Variants in SCAF11 observed in about 807,000 individuals in gnomAD.
SCAF11 encodes protein SCAF11.
SCAF11 carries 47 observed loss-of-function variants against 140.5 expected under a neutral mutation model. The ratio of observed to expected loss-of-function variants is 0.33; its 90% CI spans 0.26 to 0.43. The LOEUF is 0.43. Ranked by LOEUF, SCAF11 falls within the 20% of genes least tolerant of loss-of-function variation. The pLI is 1.00. For missense variants in SCAF11, 1,645 were observed against 1,705.1 expected, an observed-to-expected ratio of 0.96 and a Z score of 0.62; for synonymous variants, 557 against 579.4, an observed-to-expected ratio of 0.96 and a Z score of 0.55.
At chr12:45,929,209 G>C (rs1203793172) in intron 10 of SCAF11, 1 of 158,812 alleles carries the variant, frequency 6.3e-6, no homozygotes, top group Non-Finnish European at 1.4e-5. Context: ...GCAATGGCGT[G>C]ATCACTGGAG....
chr12:45,922,907 A>G, intron 13 of SCAF11, 29 bp downstream of exon 13: 1 of 1,580,190 alleles, frequency 6.3e-7, no homozygotes, highest in Non-Finnish European at 8.7e-7. Flanking sequence ...ATACAGAATT[A>G]TGAAGGTTGC....
rs1361363068 is a variant in SCAF11, at chr12:45,922,198, A to G, written c.4246-4T>C. The G allele has an allele frequency of 6.3e-7, 1 of 1,596,146 alleles. No homozygotes were observed. Among genetic ancestry groups the G allele is most frequent in the Admixed American group, 1.8e-5 (1 of 54,506 alleles). On this transcript the variant is annotated splice_polypyrimidine_tract_variant and splice_region_variant and intron_variant, in intron 14 of 14. Transcript: ENST00000369367. ...CTCCACTCTTACTATGACAAACCTA[A>G]GAAAAAAGGGGTGGGGGGTAAACTT...
At chr12:45,956,679 A>T (rs183256534) in intron 3 of SCAF11, among the ~76,000 whole-genome samples, 129 of 152,314 alleles carry the variant, frequency 8.5e-4, no homozygotes, top group African/African-American at 3.0e-3. Context: ...ATGTTCTCCA[A>T]GATACCAGTT....
chr12:45,925,739 G>GA (rs939301223), intron 11 of SCAF11, among the ~76,000 whole-genome samples: 3 of 150,708 alleles, frequency 2.0e-5, no homozygotes, highest in South Asian at 2.1e-4. Flanking sequence ...TTCTTAACAA[G>GA]AAAAAAAACA....
intron 9 of SCAF11, among the ~76,000 whole-genome samples, chr12:45,932,363 G>C (rs1405461944): frequency 6.6e-6 from 1 of 151,738 alleles, no homozygotes; most frequent in Non-Finnish European, 1.5e-5. Context: ...TATAAGGTAA[G>C]ATTCTGGAGT....
Position 45,927,572 on chromosome 12 carries a change from C to T in SCAF11, c.2129G>A (p.Ser710Asn). 1 of 1,613,188 alleles carries T rather than the reference C, an allele frequency of 6.2e-7. No individual in the cohort carries two copies. Among genetic ancestry groups the T allele is most frequent in the South Asian group, 1.1e-5 (1 of 91,036 alleles). Residue 710 changes from serine (S) to asparagine (N), a missense_variant, in exon 11 of 15, where the codon AGT (serine) becomes AAT (asparagine). By Grantham distance (46) the Ser-to-Asn change is conservative. Coordinates refer to ENST00000369367, the MANE Select transcript of SCAF11 (RefSeq NM_004719.3). ...THIEQIQKHF[S>N]EDNNEMIPME... ...AGGTATCATTTCATTGTTGTCCTCA[C>T]TAAAATGCTTCTGAATCTGTTCAAT...
At chr12:45,961,880 T>C (rs1326998640) in intron 2 of SCAF11, 23 bp from the exon 3 acceptor site, 28 of 1,573,474 alleles carry the variant, frequency 1.8e-5, no homozygotes, top group Non-Finnish European at 2.2e-5. Flanking sequence ...AACAGCCATA[T>C]GTGCTTTCAA....
intron 8 of SCAF11, 54 bp downstream of exon 8, chr12:45,934,122 T>C: frequency 1.1e-6 from 1 of 917,660 alleles, no homozygotes; most frequent in Non-Finnish European, 1.6e-6. Flanking sequence ...CAAAAGTTAA[T>C]AATTATTAAA....
At chr12:45,942,550 T>C (rs1945328566) in intron 6 of SCAF11, among the ~76,000 whole-genome samples, 1 of 152,176 alleles carries the variant, frequency 6.6e-6, no homozygotes, top group Non-Finnish European at 1.5e-5. Flanking sequence ...TTCTCCTCCA[T>C]CTACCTAATT....
rs887372381 is a variant in SCAF11 at position 45,926,657 on chromosome 12, T to C, written c.3044A>G (p.Lys1015Arg). Residue 1015 changes from lysine (K) to arginine (R), a missense_variant, in exon 11 of 15, where the codon AAA becomes AGA. Lys to Arg is a conservative substitution (Grantham distance 26). Coordinates refer to ENST00000369367, the MANE Select transcript of SCAF11 (RefSeq NM_004719.3). ...CCAATTGGGACAGTCATTTCTATGT[T>C]TGTCAGCAGAATTTGGATCATCAGC... ...LDADDPNSAD[K>R]HRNDCPNWIT... The C allele has an allele frequency of 4.3e-6, 7 of 1,613,970 alleles. No homozygotes were observed. The highest frequency in any genetic ancestry group is 1.1e-5 in the South Asian group (1 of 91,080).
intron 10 of SCAF11, 68 bp downstream of exon 10, chr12:45,931,436 CAT>C (rs1231548098): frequency 3.9e-6 from 3 of 769,526 alleles, no homozygotes; most frequent in Non-Finnish European, 5.7e-6. Context: ...ATCAAACACA[CAT>C]TTTTATGAAA....
chr12:45,976,944 C>A (rs530055966), intron 1 of SCAF11, among the ~76,000 whole-genome samples: 52 of 152,144 alleles, frequency 3.4e-4, no homozygotes, highest in Non-Finnish European at 6.2e-4. Flanking sequence ...TCTTGCCAGA[C>A]TGATGATGTA....
At chr12:45,930,832 CCT>C (rs1001186013) in intron 10 of SCAF11, 2 of 151,882 alleles carry the variant, frequency 1.3e-5, no homozygotes, top group African/African-American at 4.8e-5. Context: ...TAATGACATA[CCT>C]TTTTCTTAAT....
At chr12:45,961,901 C>T (rs1021039168) in intron 2 of SCAF11, 44 bp from the exon 3 acceptor site, 3 of 1,522,388 alleles carry the variant, frequency 2.0e-6, no homozygotes, top group East Asian at 4.7e-5. Flanking sequence ...GTTCTCCAGA[C>T]CAAAAATCTT....
At chr12:45,930,457 T>C (rs1295760909) in intron 10 of SCAF11, among the ~76,000 whole-genome samples, 1 of 126,274 alleles carries the variant, frequency 7.9e-6, no homozygotes, top group African/African-American at 3.0e-5. Flanking sequence ...TTTTTTTTTG[T>C]TTTTTTTTTT....
chr12:45,946,157 A>G (rs1945418288), intron 5 of SCAF11, among the ~76,000 whole-genome samples: 1 of 152,216 alleles, frequency 6.6e-6, no homozygotes, highest in South Asian at 2.1e-4. Flanking sequence ...ACCATTCTCT[A>G]CAATGACTTA....
intron 2 of SCAF11, among the ~76,000 whole-genome samples, chr12:45,962,683 C>A (rs911883166): frequency 6.6e-6 from 1 of 152,206 alleles, no homozygotes; most frequent in Admixed American, 6.5e-5. Context: ...CTGGGCACAA[C>A]TGTCCAAACC....
At chr12:45,972,947 TATAGATATATAG>T (rs1565689161) in intron 1 of SCAF11, among the ~76,000 whole-genome samples, 1 of 121,442 alleles carries the variant, frequency 8.2e-6, no homozygotes, top group African/African-American at 4.5e-5. Context: ...TAGATATATA[TATAGATATATAG>T]ATATATATAT....
chr12:45,933,104 C>G (rs1322961772), intron 9 of SCAF11, 27 bp downstream of exon 9: 1 of 1,463,892 alleles, frequency 6.8e-7, no homozygotes, highest in Non-Finnish European at 9.5e-7. Flanking sequence ...CATGTAAACA[C>G]CTGAGTAAAT....
Sources: gnomAD v4.1 joint callset for allele counts (sites outside exome capture counted in the v4.1 genomes callset) on GRCh38, gnomAD v4.1.1 for gene constraint, MANE v1.5 for transcripts, NCBI Gene and HGNC (gene_info 2026-07-23, HGNC 2026-07-21) for gene names.